The following ARHGAP42 variants were observed in gnomAD, a reference collection of about 807,000 sequenced individuals.
The protein encoded by ARHGAP42 is Rho GTPase activating protein 42.
ARHGAP42 carries 63 observed loss-of-function variants against 125.0 expected under a neutral mutation model. That is an observed-to-expected ratio of 0.50 (90% confidence interval 0.41 to 0.62). The LOEUF (loss-of-function observed/expected upper bound fraction) is 0.62, where lower values mean the gene tolerates loss of function less well. Among genes scored for constraint, ARHGAP42 ranks in the 20% least tolerant of loss-of-function variants. The pLI, the probability that ARHGAP42 is intolerant of heterozygous loss-of-function variation, is 0.00. For synonymous variants in ARHGAP42, 339 were observed against 351.0 expected, an observed-to-expected ratio of 0.97 and a Z score of 0.38; for missense variants, 766 against 1,024.2, an observed-to-expected ratio of 0.75 and a Z score of 3.44.
chr11:100,735,304 T>C (rs565196381), intron 1 of ARHGAP42, among the ~76,000 whole-genome samples: 4 of 152,330 alleles, frequency 2.6e-5, no homozygotes, highest in African/African-American at 9.6e-5. Context: ...TAGTTTAGTT[T>C]CTCTTTGTGA....
intron 3 of ARHGAP42, among the ~76,000 whole-genome samples, chr11:100,834,963 T>A (rs1179355173): frequency 6.6e-6 from 1 of 152,026 alleles, no homozygotes; most frequent in African/African-American, 2.4e-5. Context: ...TAAAAATTTA[T>A]AAATGTATGT....
chr11:100,723,336 G>C (rs1337926108), intron 1 of ARHGAP42, among the ~76,000 whole-genome samples: 1 of 152,098 alleles, frequency 6.6e-6, no homozygotes, highest in African/African-American at 2.4e-5. Context: ...GATTTTGATT[G>C]GGATTGCATT....
rs533702479 is a variant in ARHGAP42, at chr11:100,726,506, T to C, written c.154+38674T>C. ...AATTAAAGGTATATTCCTGGGTACA[T>C]TTTTATGTGTAAGCAAATAAATGCA... is the stretch of plus-strand genomic sequence containing the variant. On this transcript the variant is annotated intron_variant, in intron 1 of 23. Coordinates refer to ENST00000298815, the MANE Select transcript of ARHGAP42 (RefSeq NM_152432.4). Among the ~76,000 whole-genome samples, 3 of 152,360 alleles carry C rather than the reference T, an allele frequency of 2.0e-5. No individual in the cohort carries two copies. In the East Asian group the frequency reaches 5.8e-4, roughly 29 times the overall value.
At chr11:100,772,338 G>A (rs1314036727) in intron 2 of ARHGAP42, among the ~76,000 whole-genome samples, 1 of 152,140 alleles carries the variant, frequency 6.6e-6, no homozygotes, top group East Asian at 1.9e-4. Context: ...CTCTGCATGT[G>A]GAATTTACAT....
chr11:100,706,760 A>G (rs1054043788), intron 1 of ARHGAP42, among the ~76,000 whole-genome samples: 2 of 152,216 alleles, frequency 1.3e-5, no homozygotes, highest in African/African-American at 2.4e-5. Context: ...TTCTTAAGAT[A>G]TAATTCACTG....
intron 22 of ARHGAP42, among the ~76,000 whole-genome samples, chr11:100,985,590 G>A (rs945474793): frequency 6.6e-6 from 1 of 152,160 alleles, no homozygotes; most frequent in African/African-American, 2.4e-5. Flanking sequence ...CACACACACA[G>A]TTCTTTAAAG....
chr11:100,688,401 G>T (rs1299520395), intron 1 of ARHGAP42, among the ~76,000 whole-genome samples: 5 of 152,186 alleles, frequency 3.3e-5, no homozygotes, highest in Non-Finnish European at 7.3e-5. Flanking sequence ...TTTTCTGTGC[G>T]TCTTAGTTTT....
intron 1 of ARHGAP42, among the ~76,000 whole-genome samples, chr11:100,730,978 A>G (rs1861947469): frequency 6.6e-6 from 1 of 152,124 alleles, no homozygotes; most frequent in African/African-American, 2.4e-5. Flanking sequence ...TATGCAGCCT[A>G]TTGTTGACAA....
intron 6 of ARHGAP42, among the ~76,000 whole-genome samples, chr11:100,930,939 C>T (rs1012752177): frequency 6.6e-6 from 1 of 152,122 alleles, no homozygotes; most frequent in Non-Finnish European, 1.5e-5. Context: ...ATCCAAAATG[C>T]TTAGGACTAG....
chr11:100,969,415 T>G (rs188034976), intron 17 of ARHGAP42, among the ~76,000 whole-genome samples: 1 of 152,240 alleles, frequency 6.6e-6, no homozygotes, highest in East Asian at 1.9e-4. Flanking sequence ...ATTTGGAAAA[T>G]TTTCAGCCAC....
intron 4 of ARHGAP42, among the ~76,000 whole-genome samples, chr11:100,871,557 A>AG (rs1865696932): frequency 6.6e-6 from 1 of 151,468 alleles, no homozygotes; most frequent in South Asian, 2.1e-4. Context: ...AAAAAAAAAA[A>AG]AAAAGAAAAA....
intron 1 of ARHGAP42, among the ~76,000 whole-genome samples, chr11:100,700,268 G>A (rs1045052492): frequency 1.3e-5 from 2 of 152,136 alleles, no homozygotes; most frequent in Non-Finnish European, 2.9e-5. Context: ...AGCCATCAGC[G>A]AGTTATAATC....
chr11:100,725,299 T>C (rs113123674), intron 1 of ARHGAP42, among the ~76,000 whole-genome samples: 4,031 of 151,662 alleles, frequency 0.027, 69 homozygotes, highest in Non-Finnish European at 0.031. Context: ...GCCTCCCGAG[T>C]AGCTGGGATT....
At chr11:100,767,025 G>A (rs531503575) in intron 1 of ARHGAP42, among the ~76,000 whole-genome samples, 5 of 152,204 alleles carry the variant, frequency 3.3e-5, no homozygotes, top group Admixed American at 6.5e-5. Flanking sequence ...ATACTGTCAC[G>A]GCTTGATGGC....
intron 4 of ARHGAP42, among the ~76,000 whole-genome samples, chr11:100,895,049 T>C (rs1866316247): frequency 1.3e-5 from 2 of 152,194 alleles, no homozygotes; most frequent in Admixed American, 6.5e-5. Context: ...TTCTTACCTA[T>C]ACTCCACTCA....
intron 5 of ARHGAP42, among the ~76,000 whole-genome samples, chr11:100,917,552 T>TATTATG (rs992795943): frequency 2.0e-5 from 3 of 152,034 alleles, no homozygotes; most frequent in Non-Finnish European, 2.9e-5. Context: ...TTAATGCTAG[T>TATTATG]ATTATGATTA....
intron 4 of ARHGAP42, among the ~76,000 whole-genome samples, chr11:100,863,381 C>A (rs1865494202): frequency 6.6e-6 from 1 of 152,150 alleles, no homozygotes; most frequent in African/African-American, 2.4e-5. Context: ...TCAGCTTGGT[C>A]CACACAGGCA....
intron 4 of ARHGAP42, among the ~76,000 whole-genome samples, chr11:100,905,054 C>G (rs753932386): frequency 3.3e-5 from 5 of 152,190 alleles, no homozygotes; most frequent in Admixed American, 6.5e-5. Context: ...CCTTAGGAAA[C>G]TTTCTCTTCT....
intron 4 of ARHGAP42, among the ~76,000 whole-genome samples, chr11:100,897,628 T>G (rs1444083238): frequency 1.3e-5 from 2 of 152,186 alleles, no homozygotes; most frequent in African/African-American, 4.8e-5. Context: ...CACTCATGAT[T>G]TGGCTCTCTG....
Sources: gnomAD v4.1 joint callset for allele counts (sites outside exome capture counted in the v4.1 genomes callset) on GRCh38, gnomAD v4.1.1 for gene constraint, MANE v1.5 for transcripts, NCBI Gene and HGNC (gene_info 2026-07-23, HGNC 2026-07-21) for gene names.